NALF1: variants seen among roughly 807,000 people sequenced by gnomAD.
NALF1 encodes NALCN channel auxiliary factor 1.
NALF1 carries 3 observed loss-of-function variants against 48.4 expected under a neutral mutation model. The observed-to-expected ratio is 0.06, with a 90% CI of 0.03 to 0.16. The LOEUF is 0.16. Among genes scored for constraint, NALF1 ranks in the 10% least tolerant of loss-of-function variants. NALF1 has a pLI of 1.00. For missense variants in NALF1, 526 were observed against 571.5 expected, an observed-to-expected ratio of 0.92 and a Z score of 0.81; for synonymous variants, 262 against 245.7, an observed-to-expected ratio of 1.07 and a Z score of -0.62.
At chr13:107,613,029 G>T in intron 1 of NALF1, among the ~76,000 whole-genome samples, 1 of 149,870 alleles carries the variant, frequency 6.7e-6, no homozygotes, top group Admixed American at 6.6e-5. Context: ...AGAAAAGAAA[G>T]AAATGAGTCC....
chr13:107,288,711 TTAG>T (rs1881554555), intron 1 of NALF1, among the ~76,000 whole-genome samples: 1 of 151,130 alleles, frequency 6.6e-6, no homozygotes, highest in African/African-American at 2.4e-5. Context: ...TTTTCTAGTT[TTAG>T]TAGAGTCGGG....
intron 1 of NALF1, among the ~76,000 whole-genome samples, chr13:107,563,179 G>A (rs1314420858): frequency 3.9e-5 from 6 of 152,294 alleles, no homozygotes; most frequent in Non-Finnish European, 7.3e-5. Flanking sequence ...CACTTTTGCC[G>A]CAAGGAGATT....
intron 1 of NALF1, among the ~76,000 whole-genome samples, chr13:107,738,236 G>A (rs1184808992): frequency 6.6e-6 from 1 of 152,190 alleles, no homozygotes; most frequent in Non-Finnish European, 1.5e-5. Flanking sequence ...AAAAGGAGGT[G>A]ACCGAAAACA....
chr13:107,188,437 G>A (rs543320427), intron 2 of NALF1, among the ~76,000 whole-genome samples: 1 of 150,616 alleles, frequency 6.6e-6, no homozygotes, highest in East Asian at 2.0e-4. Context: ...GAAAAAAAAA[G>A]TTCAAATTAT....
At chr13:107,496,046 G>T (rs1480523549) in intron 1 of NALF1, among the ~76,000 whole-genome samples, 1 of 151,998 alleles carries the variant, frequency 6.6e-6, no homozygotes, top group Non-Finnish European at 1.5e-5. Flanking sequence ...GGAAATATAT[G>T]TATATTTTAA....
At chr13:107,640,208 A>C (rs1294601709) in intron 1 of NALF1, among the ~76,000 whole-genome samples, 2 of 152,200 alleles carry the variant, frequency 1.3e-5, no homozygotes, top group African/African-American at 4.8e-5. Context: ...TAAAGGTTAT[A>C]AACAAATTCT....
intron 2 of NALF1, among the ~76,000 whole-genome samples, chr13:107,172,434 T>C (rs1878826229): frequency 6.6e-6 from 1 of 152,226 alleles, no homozygotes; most frequent in Non-Finnish European, 1.5e-5. Flanking sequence ...TCAGTATACC[T>C]ATTTATTTAA....
intron 1 of NALF1, among the ~76,000 whole-genome samples, chr13:107,269,403 T>C (rs536441358): frequency 3.9e-5 from 6 of 152,100 alleles, no homozygotes; most frequent in Non-Finnish European, 7.4e-5. Context: ...TTATTTACTA[T>C]AACCAGAAAC....
chr13:107,344,732 G>C (rs191943556), intron 1 of NALF1, among the ~76,000 whole-genome samples: 67 of 152,136 alleles, frequency 4.4e-4, no homozygotes, highest in Admixed American at 3.9e-3. Flanking sequence ...TATATTCAAT[G>C]GTTAAAAACC....
intron 1 of NALF1, among the ~76,000 whole-genome samples, chr13:107,824,058 T>C (rs2138620073): frequency 6.6e-6 from 1 of 152,120 alleles, no homozygotes; most frequent in East Asian, 1.9e-4. Context: ...CCTTATCCTG[T>C]GTACCAGCTC....
chr13:107,568,338 C>T (rs925343371), intron 1 of NALF1, among the ~76,000 whole-genome samples: 1 of 152,184 alleles, frequency 6.6e-6, no homozygotes, highest in African/African-American at 2.4e-5. Context: ...ACATGGTGTT[C>T]AACCTTTCTC....
chr13:107,610,836 C>T (rs9559095), intron 1 of NALF1, among the ~76,000 whole-genome samples: 6,386 of 152,188 alleles, frequency 0.042, 360 homozygotes, highest in East Asian at 0.27. Flanking sequence ...AGAGTCAACA[C>T]GGAGGTTTCC....
intron 1 of NALF1, among the ~76,000 whole-genome samples, chr13:107,383,908 A>C (rs1443188658): frequency 1.3e-5 from 2 of 152,216 alleles, no homozygotes; most frequent in South Asian, 2.1e-4. Context: ...TCTTAATGCA[A>C]GTATGTATTA....
intron 1 of NALF1, among the ~76,000 whole-genome samples, chr13:107,467,144 T>G (rs567082252): frequency 6.6e-6 from 1 of 152,326 alleles, no homozygotes; most frequent in African/African-American, 2.4e-5. Context: ...AATGTATATA[T>G]GAATTCTTGA....
intron 1 of NALF1, among the ~76,000 whole-genome samples, chr13:107,546,260 G>C (rs1258698381): frequency 6.6e-6 from 1 of 152,138 alleles, no homozygotes; most frequent in African/African-American, 2.4e-5. Flanking sequence ...CTTGAACTTA[G>C]TGCTCTTATA....
intron 1 of NALF1, among the ~76,000 whole-genome samples, chr13:107,627,838 T>C (rs1226934756): frequency 6.6e-6 from 1 of 152,112 alleles, no homozygotes; most frequent in Admixed American, 6.6e-5. Context: ...TGCCTTAATT[T>C]GCTCTCACCT....
chr13:107,729,101 T>C (rs1250935932), intron 1 of NALF1, among the ~76,000 whole-genome samples: 1 of 152,222 alleles, frequency 6.6e-6, no homozygotes, highest in Non-Finnish European at 1.5e-5. Context: ...ACACACTGAA[T>C]TTGATCAAGC....
At chr13:107,508,927 C>T (rs953099898) in intron 1 of NALF1, among the ~76,000 whole-genome samples, 1 of 152,036 alleles carries the variant, frequency 6.6e-6, no homozygotes, top group African/African-American at 2.4e-5. Flanking sequence ...GCTCATTTGC[C>T]TTTTGTTAGA....
chr13:107,407,635 A>G (rs1222360846), intron 1 of NALF1, among the ~76,000 whole-genome samples: 1 of 152,074 alleles, frequency 6.6e-6, no homozygotes, highest in Non-Finnish European at 1.5e-5. Context: ...TGTGGAGAAA[A>G]GGGAACCCTC....
Sources: allele counts gnomAD v4.1 joint callset (sites outside exome capture counted in the v4.1 genomes callset), GRCh38; gene constraint gnomAD v4.1.1; transcripts MANE v1.5; gene names NCBI Gene and HGNC (gene_info 2026-07-23, HGNC 2026-07-21).